The following PRKCA variants were observed in gnomAD, a reference collection of about 807,000 sequenced individuals.
PRKCA encodes protein kinase C alpha.
PRKCA carries 27 observed loss-of-function variants against 87.0 expected under a neutral mutation model. The ratio of observed to expected loss-of-function variants is 0.31; its 90% confidence interval spans 0.23 to 0.43. The LOEUF (loss-of-function observed/expected upper bound fraction) is 0.43, where lower values mean the gene tolerates loss of function less well. PRKCA is among the 20% of genes least tolerant of loss of function. The pLI is 1.00. For synonymous variants in PRKCA, 329 were observed against 311.1 expected (o/e 1.06, Z -0.61); for missense variants, 518 against 852.3 (o/e 0.61, Z 4.88).
intron 3 of PRKCA, among the ~76,000 whole-genome samples, chr17:66,569,460 C>A (rs8068928): frequency 3.3e-5 from 5 of 151,794 alleles, no homozygotes; most frequent in East Asian, 3.9e-4. Context: ...TCCCAGCTAC[C>A]TGGGAGGCTG....
chr17:66,548,136 C>CG (rs1230641204), intron 3 of PRKCA, among the ~76,000 whole-genome samples: 1 of 152,092 alleles, frequency 6.6e-6, no homozygotes, highest in African/African-American at 2.4e-5. Flanking sequence ...GATTCTTGTT[C>CG]GGGGGGATTT....
chr17:66,508,473 T>C (rs77030503), intron 3 of PRKCA, among the ~76,000 whole-genome samples: 7 of 152,176 alleles, frequency 4.6e-5, no homozygotes, highest in Non-Finnish European at 1.0e-4. Context: ...GGGGATGTCA[T>C]GCCACCCACG....
At chr17:66,421,449 A>G (rs76872081) in intron 2 of PRKCA, among the ~76,000 whole-genome samples, 111 of 79,206 alleles carry the variant, frequency 1.4e-3, no homozygotes, top group Non-Finnish European at 5.7e-4. Context: ...TTTTTTTTTT[A>G]TAGCTCTATC....
chr17:66,310,202 C>G (rs1017129377), intron 2 of PRKCA, among the ~76,000 whole-genome samples: 3 of 129,568 alleles, frequency 2.3e-5, no homozygotes, highest in African/African-American at 9.4e-5. Flanking sequence ...CACTTGTTTT[C>G]TCTAATTTTT....
intron 2 of PRKCA, among the ~76,000 whole-genome samples, chr17:66,357,217 G>A (rs1168826042): frequency 6.6e-6 from 1 of 152,184 alleles, no homozygotes; most frequent in Non-Finnish European, 1.5e-5. Context: ...GGAACTGGTG[G>A]AAGGAGACAG....
At chr17:66,551,849 T>C (rs1258913360) in intron 3 of PRKCA, among the ~76,000 whole-genome samples, 1 of 152,190 alleles carries the variant, frequency 6.6e-6, no homozygotes, top group Admixed American at 6.5e-5. Flanking sequence ...AATTCACATA[T>C]TACAAAATGC....
At chr17:66,681,586 T>C (rs532209438) in intron 5 of PRKCA, among the ~76,000 whole-genome samples, 1 of 152,330 alleles carries the variant, frequency 6.6e-6, no homozygotes, top group Admixed American at 6.5e-5. Context: ...TCAATTCACT[T>C]AGTTCCACAG....
intron 16 of PRKCA, among the ~76,000 whole-genome samples, chr17:66,797,533 C>G (rs1975697410): frequency 6.6e-6 from 1 of 152,188 alleles, no homozygotes; most frequent in Non-Finnish European, 1.5e-5. Context: ...CTATGTCTGT[C>G]CTGCCTCCTC....
chr17:66,322,838 A>G (rs1464645161), intron 2 of PRKCA, among the ~76,000 whole-genome samples: 33 of 152,178 alleles, frequency 2.2e-4, no homozygotes, highest in Admixed American at 2.2e-3. Flanking sequence ...ATTGTAAAAT[A>G]AAACACATAC....
intron 2 of PRKCA, among the ~76,000 whole-genome samples, chr17:66,421,404 T>C (rs1912480335): frequency 6.7e-6 from 1 of 150,224 alleles, no homozygotes; most frequent in African/African-American, 2.4e-5. Flanking sequence ...TGTGTAATTA[T>C]GTCAGAACTC....
chr17:66,487,988 C>T (rs2144079109), intron 2 of PRKCA, among the ~76,000 whole-genome samples: 1 of 152,254 alleles, frequency 6.6e-6, no homozygotes, highest in East Asian at 1.9e-4. Flanking sequence ...GTTGTCTGTG[C>T]TTTTGAGGTC....
At chr17:66,494,240 T>A (rs908269699) in intron 2 of PRKCA, among the ~76,000 whole-genome samples, 1 of 152,220 alleles carries the variant, frequency 6.6e-6, no homozygotes, top group Non-Finnish European at 1.5e-5. Flanking sequence ...TTTGGGAAAC[T>A]CTAACCTTCC....
At chr17:66,487,008 A>G (rs1292893287) in intron 2 of PRKCA, among the ~76,000 whole-genome samples, 24 of 152,198 alleles carry the variant, frequency 1.6e-4, no homozygotes, top group Non-Finnish European at 2.9e-5. Context: ...TGAAATATTC[A>G]TCATCTCAAA....
At chr17:66,577,672 C>T (rs747964331) in intron 3 of PRKCA, among the ~76,000 whole-genome samples, 1 of 152,144 alleles carries the variant, frequency 6.6e-6, no homozygotes, top group Non-Finnish European at 1.5e-5. Flanking sequence ...TGGAAGTGAA[C>T]TATATCTTTT....
At chr17:66,495,651 C>T (rs1189133477) in intron 2 of PRKCA, among the ~76,000 whole-genome samples, 1 of 151,828 alleles carries the variant, frequency 6.6e-6, no homozygotes, top group Non-Finnish European at 1.5e-5. Context: ...CTCCCACGTT[C>T]AAGCGATTAT....
chr17:66,361,076 C>T (rs1908360576), intron 2 of PRKCA, among the ~76,000 whole-genome samples: 1 of 151,980 alleles, frequency 6.6e-6, no homozygotes, highest in Non-Finnish European at 1.5e-5. Flanking sequence ...AGATTATTTA[C>T]AACATGATGC....
At chr17:66,442,529 G>C (rs1913826701) in intron 2 of PRKCA, among the ~76,000 whole-genome samples, 3 of 152,028 alleles carry the variant, frequency 2.0e-5, no homozygotes, top group Admixed American at 2.0e-4. Context: ...TTGCTTCTAG[G>C]ATGAAGTCCA....
intron 8 of PRKCA, among the ~76,000 whole-genome samples, chr17:66,723,653 A>T (rs1330497030): frequency 6.6e-6 from 1 of 151,590 alleles, no homozygotes; most frequent in Non-Finnish European, 1.5e-5. Context: ...AAAAAGGAAG[A>T]TGACGACCAG....
chr17:66,632,567 A>C (rs1683656552), intron 3 of PRKCA, among the ~76,000 whole-genome samples: 2 of 151,926 alleles, frequency 1.3e-5, no homozygotes, highest in African/African-American at 4.8e-5. Flanking sequence ...TTAAGTAGAG[A>C]TGAGGTCTCG....
Sources: gnomAD v4.1 joint callset for allele counts (sites outside exome capture counted in the v4.1 genomes callset) on GRCh38, gnomAD v4.1.1 for gene constraint, MANE v1.5 for transcripts, NCBI Gene and HGNC (gene_info 2026-07-23, HGNC 2026-07-21) for gene names.